The following DYNC2LI1 variants were observed in gnomAD, a reference collection of about 807,000 sequenced individuals.
DYNC2LI1 encodes the protein cytoplasmic dynein 2 light intermediate chain 1.
In DYNC2LI1, 45 loss-of-function variants were observed where a neutral mutation model predicts 51.9. That is an observed-to-expected ratio of 0.87 (90% CI 0.68 to 1.11). The LOEUF (loss-of-function observed/expected upper bound fraction) is 1.11. DYNC2LI1 is among the 50% of genes most tolerant of loss of function. DYNC2LI1 has a pLI of 0.00. For synonymous variants in DYNC2LI1, 130 were observed against 137.8 expected (o/e 0.94, Z 0.40); for missense variants, 490 against 417.4 (o/e 1.17, Z -1.51).
At chr2:43,825,986 GT>G in the DYNC2LI1 span, among the ~76,000 whole-genome samples, 1 of 149,036 alleles carries the variant, frequency 6.7e-6, no homozygotes, top group Admixed American at 6.7e-5. Flanking sequence ...TTTTTTGTTT[GT>G]TTGTTTGAGA....
chr2:43,785,126 C>T (rs1673467302), intron 3 of DYNC2LI1, among the ~76,000 whole-genome samples: 1 of 151,816 alleles, frequency 6.6e-6, no homozygotes, highest in Admixed American at 6.6e-5. Flanking sequence ...AGTGAGAACT[C>T]GTCTGTACCA....
downstream of DYNC2LI1, among the ~76,000 whole-genome samples, chr2:43,814,122 G>A (rs532046325): frequency 1.6e-4 from 24 of 152,208 alleles, no homozygotes; most frequent in South Asian, 6.2e-4. Context: ...AGCTATGTAC[G>A]ATGTACATTT....
intron 1 of DYNC2LI1, 30 bp from the exon 2 acceptor site, chr2:43,776,752 T>C (rs761024829): frequency 4.0e-6 from 4 of 1,007,334 alleles, no homozygotes; most frequent in Non-Finnish European, 5.9e-6. Flanking sequence ...TCTTTTTCCC[T>C]CAATTTTGTT....
intron 11 of DYNC2LI1, 57 bp from the exon 12 acceptor site, chr2:43,805,097 G>C (rs1666202572): frequency 1.8e-6 from 2 of 1,093,290 alleles, no homozygotes; most frequent in African/African-American, 1.6e-5. Flanking sequence ...TAGGCAGATG[G>C]TAGCCATTGA....
intron 8 of DYNC2LI1, among the ~76,000 whole-genome samples, chr2:43,797,427 A>T (rs908890178): frequency 6.6e-6 from 1 of 151,852 alleles, no homozygotes; most frequent in South Asian, 2.1e-4. Flanking sequence ...TACTCAATAA[A>T]TGTTGGTTAT....
At chr2:43,822,841 G>T in the DYNC2LI1 span, 7 of 1,614,074 alleles carry the variant, frequency 4.3e-6, no homozygotes, top group Non-Finnish European at 5.9e-6. Flanking sequence ...CAACGCTGAA[G>T]GGGAGGACGT....
intron 5 of DYNC2LI1, chr2:43,792,816 G>A (rs1377606493): frequency 6.6e-6 from 10 of 1,518,862 alleles, no homozygotes; most frequent in Non-Finnish European, 7.0e-6. Flanking sequence ...TCCGTTTGTA[G>A]TATGTGTCAG....
chr2:43,805,077 C>A (rs1666201704), intron 11 of DYNC2LI1, 77 bp from the exon 12 acceptor site: 1 of 902,858 alleles, frequency 1.1e-6, no homozygotes, highest in Admixed American at 2.2e-5. Flanking sequence ...GGAATGGGAG[C>A]TTGGTTTATT....
the DYNC2LI1 span, chr2:43,823,013 G>T: frequency 6.3e-7 from 1 of 1,578,274 alleles, no homozygotes; most frequent in Non-Finnish European, 8.6e-7. Context: ...AGCTGAATGT[G>T]AGGTCTGTCA....
rs780014495 is a variant in DYNC2LI1 at position 43,776,793 on chromosome 2, G to C, written c.20G>C (p.Trp7Ser). 8 of 1,576,648 alleles carry C rather than the reference G, an allele frequency of 5.1e-6. No homozygotes were observed. The highest frequency in any genetic ancestry group is 1.4e-5 in the African/African-American group (1 of 73,176). MPSETL[W>S]EIAKAEVEKR... ...TGCCTCTCATGTAGTGAAACTCTCT[G>C]GGAAATTGCAAAAGCTGAAGTGGAA... Residue 7 changes from tryptophan (W) to serine (S), a missense_variant, in exon 2 of 13, where the codon TGG becomes TCG. Coordinates refer to ENST00000260605, the MANE Select transcript of DYNC2LI1 (RefSeq NM_016008.4).
intron 4 of DYNC2LI1, among the ~76,000 whole-genome samples, chr2:43,789,351 G>A (rs1219856136): frequency 6.6e-6 from 1 of 152,160 alleles, no homozygotes; most frequent in African/African-American, 2.4e-5. Context: ...TGCTACATAT[G>A]TTATTTACAA....
intron 5 of DYNC2LI1, among the ~76,000 whole-genome samples, chr2:43,790,879 G>A (rs1049282411): frequency 2.0e-5 from 3 of 152,068 alleles, no homozygotes; most frequent in Non-Finnish European, 4.4e-5. Context: ...TGACAAATAA[G>A]TGAAGCTGCC....
At chr2:43,806,592 G>A (rs1343469771) in intron 12 of DYNC2LI1, among the ~76,000 whole-genome samples, 3 of 152,176 alleles carry the variant, frequency 2.0e-5, no homozygotes, top group African/African-American at 4.8e-5. Flanking sequence ...TTAGTTGGAA[G>A]TCATCCCTGA....
the DYNC2LI1 span, among the ~76,000 whole-genome samples, chr2:43,817,450 A>G: frequency 5.3e-5 from 8 of 152,076 alleles, no homozygotes; most frequent in Non-Finnish European, 8.8e-5. Context: ...GTGCCATTGC[A>G]TTCCAGCCTG....
At chr2:43,822,536 G>A in the DYNC2LI1 span, 3 of 983,058 alleles carry the variant, frequency 3.1e-6, no homozygotes, top group Non-Finnish European at 3.6e-6. Context: ...TCTGGCCCAG[G>A]CCCTGCCGTG....
In DYNC2LI1 at chr2:43,794,531, A is replaced by T. The variant is rs1309879265; in HGVS notation, c.395A>T (p.Gln132Leu). Residue 132 changes from glutamine (Q) to leucine (L), a missense_variant, in exon 6 of 13, where the codon CAA becomes CTA. Physicochemically the swap from Gln to Leu is moderately radical, Grantham distance 113. Coordinates refer to ENST00000260605, the MANE Select transcript of DYNC2LI1 (RefSeq NM_016008.4). ...TGGCCCACCATGGAAAATCTCTTGCAAGCCACAAAAAGCCATGTAGACAAA... is the reference window on the plus strand; with the variant it reads ...TGGCCCACCATGGAAAATCTCTTGCTAGCCACAAAAAGCCATGTAGACAAA... ...DLWPTMENLL[Q>L]ATKSHVDKVI... 2 of 1,614,092 alleles carry T rather than the reference A, an allele frequency of 1.2e-6. No homozygotes were observed. The highest frequency in any genetic ancestry group is 4.5e-5 in the East Asian group (2 of 44,852).
At chr2:43,820,659 C>G in the DYNC2LI1 span, among the ~76,000 whole-genome samples, 1 of 152,056 alleles carries the variant, frequency 6.6e-6, no homozygotes, top group South Asian at 2.1e-4. Flanking sequence ...ATTTGACCTT[C>G]GTTTTCTTTT....
At chr2:43,782,982 AAAAAT>A (rs886171397) in intron 2 of DYNC2LI1, among the ~76,000 whole-genome samples, 110 of 152,312 alleles carry the variant, frequency 7.2e-4, no homozygotes, top group African/African-American at 2.5e-3. Flanking sequence ...ACTCTGTCTC[AAAAAT>A]AAAATAAAAT....
At chr2:43,789,911 C>T (rs151111793) in intron 5 of DYNC2LI1, among the ~76,000 whole-genome samples, 190 bp downstream of exon 5, 338 of 152,246 alleles carry the variant, frequency 2.2e-3, no homozygotes, top group African/African-American at 7.8e-3. Context: ...GATTTTGGCC[C>T]GTGCTGAACT....
Sources: allele counts gnomAD v4.1 joint callset (sites outside exome capture counted in the v4.1 genomes callset), GRCh38; gene constraint gnomAD v4.1.1; transcripts MANE v1.5; gene names NCBI Gene and HGNC (gene_info 2026-07-23, HGNC 2026-07-21).